Variants in TACR1 observed in about 807,000 individuals in gnomAD.
The protein encoded by TACR1 is substance-P receptor.
Under a neutral mutation model 35.8 loss-of-function variants are expected in TACR1, and 25 were observed. That is an observed-to-expected ratio of 0.70 (90% CI 0.51 to 0.98). TACR1 has a LOEUF of 0.98. Among genes scored for constraint, TACR1 ranks in the 50% least tolerant of loss-of-function variants. The probability of loss-of-function intolerance (pLI) is 0.00; values close to 1 mark genes in which losing one functional copy is unlikely to be tolerated. For synonymous variants in TACR1, 195 were observed against 206.7 expected, an observed-to-expected ratio of 0.94 and a Z score of 0.48; for missense variants, 478 against 522.9, an observed-to-expected ratio of 0.91 and a Z score of 0.84.
intron 1 of TACR1, among the ~76,000 whole-genome samples, chr2:75,152,747 C>G (rs750477774): frequency 6.6e-6 from 1 of 152,202 alleles, no homozygotes; most frequent in Non-Finnish European, 1.5e-5. Flanking sequence ...GATCACAGCT[C>G]TCTTAGTCAC....
chr2:75,080,653 A>G (rs1011521003), intron 2 of TACR1, among the ~76,000 whole-genome samples: 5 of 152,156 alleles, frequency 3.3e-5, no homozygotes, highest in African/African-American at 1.2e-4. Flanking sequence ...CTATTCACCA[A>G]TCTCATGAGC....
chr2:75,198,767 G>A lies in TACR1; in HGVS notation c.168C>T (p.Ile56=). 1 of 1,614,182 alleles carries A rather than the reference G, an allele frequency of 6.2e-7. No individual in the cohort carries two copies. The highest frequency in any genetic ancestry group is 8.5e-7 in the Non-Finnish European group (1 of 1,180,026). The part of the protein sequence containing the change: ...SVVGNVVVMW[I]ILAHKRMRTV... The stretch of plus-strand genomic sequence containing the variant: ...TCCTCATTCTTTTGTGGGCTAAGAT[G>A]ATCCACATCACTACCACGTTGCCCA... The change falls in exon 1 of 5, where the codon ATC becomes ATT. Residue 56 remains isoleucine (I), a synonymous_variant. Coordinates refer to ENST00000305249, the MANE Select transcript of TACR1 (RefSeq NM_001058.4).
At chr2:75,082,041 G>A (rs1459495794) in intron 2 of TACR1, among the ~76,000 whole-genome samples, 1 of 151,696 alleles carries the variant, frequency 6.6e-6, no homozygotes, top group Non-Finnish European at 1.5e-5. Context: ...ATTTACATTA[G>A]GTATATCTCC....
intron 1 of TACR1, among the ~76,000 whole-genome samples, chr2:75,143,997 T>C (rs942387907): frequency 5.3e-4 from 81 of 152,318 alleles, no homozygotes; most frequent in African/African-American, 1.9e-3. Context: ...AGGAGGAGGA[T>C]CAATTCCTCA....
Position 75,199,117 on chromosome 2 carries a change from A to C in TACR1, c.-183T>G, listed in dbSNP as rs202123682. The C allele has an allele frequency of 5.7e-6, 4 of 701,938 alleles. No individual in the cohort carries two copies. 43.5% of individuals were successfully genotyped at this position (701,938 alleles called of 1,614,324 possible). On this transcript the variant is annotated 5_prime_UTR_variant, in exon 1 of 5. Transcript: ENST00000305249. ...TCAGAATATAAACGCTTCTGGATGC[A>C]CTGCCCGCCTGCCCGCGGTGGCTCT...
intron 2 of TACR1, among the ~76,000 whole-genome samples, chr2:75,065,419 A>G (rs1672743347): frequency 6.6e-6 from 1 of 152,336 alleles, no homozygotes; most frequent in Middle Eastern, 3.4e-3. Context: ...ATCAGTGGGT[A>G]CTGATACATG....
chr2:75,146,084 G>A (rs1674505018), intron 1 of TACR1, among the ~76,000 whole-genome samples: 1 of 152,042 alleles, frequency 6.6e-6, no homozygotes, highest in South Asian at 2.1e-4. Flanking sequence ...AGACATAGGA[G>A]GAAGGCATAA....
intron 1 of TACR1, among the ~76,000 whole-genome samples, chr2:75,134,721 A>C (rs1650304532): frequency 6.6e-6 from 1 of 152,248 alleles, no homozygotes; most frequent in South Asian, 2.1e-4. Flanking sequence ...TTAGATGCTT[A>C]TCAGGAGTCA....
intron 1 of TACR1, among the ~76,000 whole-genome samples, chr2:75,150,750 G>A (rs1674651813): frequency 6.6e-6 from 1 of 152,248 alleles, no homozygotes; most frequent in African/African-American, 2.4e-5. Context: ...TGGGTAACAG[G>A]TAGAGATTGG....
rs574387130 is a variant in TACR1 at position 75,046,869 on chromosome 2, A to G, written c.*2563T>C. 2 of 152,346 alleles carry G rather than the reference A, an allele frequency of 1.3e-5. No individual in the cohort carries two copies. Among genetic ancestry groups the G allele is most frequent in the South Asian group, 4.1e-4 (2 of 4,830 alleles). The allele number at this position is 152,346 out of a possible 1,614,324, so 9.4% of individuals were successfully genotyped here. A position where few individuals can be genotyped will look rare whatever the true frequency, so the allele number is the denominator to read the frequency against. On this transcript the variant is annotated 3_prime_UTR_variant, in exon 5 of 5. Transcript: ENST00000305249. Reference sequence around the variant, plus strand: ...ACATTTTGGAAGTCACGTAACAAAGATGGTTCCTTGATATTTCATATTCTA... The same window carrying G: ...ACATTTTGGAAGTCACGTAACAAAGGTGGTTCCTTGATATTTCATATTCTA...
chr2:75,085,792 T>G (rs893425885), intron 2 of TACR1, among the ~76,000 whole-genome samples: 1 of 152,178 alleles, frequency 6.6e-6, no homozygotes, highest in African/African-American at 2.4e-5. Flanking sequence ...CACCCTTTTT[T>G]CATATCTTAT....
chr2:75,054,223 A>C (rs1672530051), intron 2 of TACR1, among the ~76,000 whole-genome samples: 1 of 152,212 alleles, frequency 6.6e-6, no homozygotes, highest in African/African-American at 2.4e-5. Context: ...CTTATGCTCA[A>C]CTTAGTGCAG....
intron 2 of TACR1, among the ~76,000 whole-genome samples, chr2:75,074,631 G>A (rs550440171): frequency 6.6e-6 from 1 of 152,248 alleles, no homozygotes; most frequent in Admixed American, 6.5e-5. Flanking sequence ...TTTAAAGTGA[G>A]AAAACTCTTT....
Position 75,199,389 on chromosome 2 carries a change from C to A in TACR1, c.-455G>T, listed in dbSNP as rs1490879584. 1 of 162,716 alleles carries A rather than the reference C, an allele frequency of 6.1e-6. No homozygotes were observed. Among genetic ancestry groups the A allele is most frequent in the African/African-American group, 2.4e-5 (1 of 41,700 alleles). The allele number at this position is 162,716 out of a possible 1,614,324, so 10.1% of individuals were successfully genotyped here. A position where few individuals can be genotyped will look rare whatever the true frequency, so the allele number is the denominator to read the frequency against. ...GAAGTGGGGGCCCATTGCAGCGCGA[C>A]CTGTAAAAGTTCTGAGCCTATGGCC... On this transcript the variant is annotated 5_prime_UTR_variant, in exon 1 of 5. Coordinates refer to ENST00000305249, the MANE Select transcript of TACR1 (RefSeq NM_001058.4).
chr2:75,121,728 A>G (rs1316826886), intron 1 of TACR1, among the ~76,000 whole-genome samples: 5 of 152,214 alleles, frequency 3.3e-5, no homozygotes, highest in Non-Finnish European at 7.3e-5. Context: ...TATACCTTAA[A>G]ATAAGCATTT....
chr2:75,122,587 TG>T (rs1673991770), intron 1 of TACR1, among the ~76,000 whole-genome samples: 1 of 151,984 alleles, frequency 6.6e-6, no homozygotes, highest in Admixed American at 6.5e-5. Flanking sequence ...TTTTAGAAAG[TG>T]GGTAGGTGGT....
chr2:75,197,864 A>G (rs928148520), intron 1 of TACR1, among the ~76,000 whole-genome samples: 1 of 152,208 alleles, frequency 6.6e-6, no homozygotes. Flanking sequence ...TCTTAAGGAT[A>G]GCATAACTGT....
intron 4 of TACR1, 184 bp downstream of exon 4, chr2:75,051,067 C>T (rs201097006): frequency 1.7e-4 from 118 of 707,434 alleles, no homozygotes; most frequent in Middle Eastern, 4.0e-4. Flanking sequence ...CAGTCCACTC[C>T]GGGCTCCCAT....
In TACR1 at chr2:75,164,986, C is replaced by G. The variant is rs148639413; in HGVS notation, c.389+33560G>C. Among the ~76,000 whole-genome samples the G allele has an allele frequency of 3.4e-3, 525 of 152,326 alleles. 2 individuals are homozygous for G. The highest frequency in any genetic ancestry group is 5.6e-3 in the Non-Finnish European group (381 of 68,022). On this transcript the variant is annotated intron_variant, in intron 1 of 4. Transcript: ENST00000305249. Reference sequence around the variant, plus strand: ...AATCCTTCTCCTGAATTTTATGATTCATCCTATTGTAGAGGATGTGTGGAG... The same window carrying G: ...AATCCTTCTCCTGAATTTTATGATTGATCCTATTGTAGAGGATGTGTGGAG...
Sources: gnomAD v4.1 joint callset for allele counts (sites outside exome capture counted in the v4.1 genomes callset) on GRCh38, gnomAD v4.1.1 for gene constraint, MANE v1.5 for transcripts, NCBI Gene and HGNC (gene_info 2026-07-23, HGNC 2026-07-21) for gene names.